MARCHF3: variants seen among roughly 807,000 people sequenced by gnomAD.
MARCHF3 encodes membrane associated ring-CH-type finger 3, also known as E3 ubiquitin-protein ligase MARCHF3.
Under a neutral mutation model 24.2 loss-of-function variants are expected in MARCHF3, and 13 were observed. The ratio of observed to expected loss-of-function variants is 0.54; its 90% confidence interval spans 0.35 to 0.85. The LOEUF (loss-of-function observed/expected upper bound fraction) is 0.85. Among genes scored for constraint, MARCHF3 ranks in the 40% least tolerant of loss-of-function variants. The pLI is 0.01. For missense variants in MARCHF3, 276 were observed against 325.0 expected (o/e 0.85, Z 1.16); for synonymous variants, 144 against 137.3 (o/e 1.05, Z -0.34).
chr5:126,871,042 G>A (rs534045802), intron 4 of MARCHF3, among the ~76,000 whole-genome samples: 3 of 152,258 alleles, frequency 2.0e-5, no homozygotes, highest in East Asian at 1.9e-4. Context: ...TCCTCATACC[G>A]GGTAAATTCA....
At chr5:126,895,461 T>C (rs1191708291) in intron 3 of MARCHF3, among the ~76,000 whole-genome samples, 1 of 152,136 alleles carries the variant, frequency 6.6e-6, no homozygotes, top group African/African-American at 2.4e-5. Flanking sequence ...TTTTGGTCTT[T>C]GATGATGGTG....
At chr5:127,023,121 G>T (rs1480120148) in intron 1 of MARCHF3, among the ~76,000 whole-genome samples, 2 of 152,164 alleles carry the variant, frequency 1.3e-5, no homozygotes, top group Non-Finnish European at 2.9e-5. Context: ...TATGTAGAGG[G>T]TGCTTTCTAA....
intron 3 of MARCHF3, among the ~76,000 whole-genome samples, chr5:126,897,802 G>C (rs1743505615): frequency 1.3e-5 from 2 of 152,052 alleles, no homozygotes; most frequent in Non-Finnish European, 2.9e-5. Flanking sequence ...GTAGTAGCAG[G>C]AGGAGTATAT....
At chr5:126,926,696 T>A (rs933217080) in intron 1 of MARCHF3, among the ~76,000 whole-genome samples, 3 of 151,862 alleles carry the variant, frequency 2.0e-5, no homozygotes, top group Non-Finnish European at 4.4e-5. Flanking sequence ...TGGTTTTGGG[T>A]CAGGGAGTCC....
chr5:126,872,786 C>T (rs1279427182), intron 4 of MARCHF3, among the ~76,000 whole-genome samples: 3 of 152,114 alleles, frequency 2.0e-5, no homozygotes, highest in Non-Finnish European at 2.9e-5. Context: ...TGAAAATATA[C>T]GCTTTTAAAC....
At chr5:126,965,021 T>TA (rs56350286) in intron 1 of MARCHF3, among the ~76,000 whole-genome samples, 3,805 of 101,466 alleles carry the variant, frequency 0.038, 87 homozygotes, top group East Asian at 0.089. Flanking sequence ...ATGTTCTTAG[T>TA]AAAAAAAAAA....
intron 3 of MARCHF3, among the ~76,000 whole-genome samples, chr5:126,895,739 T>G (rs1753862787): frequency 6.6e-6 from 1 of 152,154 alleles, no homozygotes. Flanking sequence ...GACATTTAAG[T>G]CTGCAGAGGT....
chr5:126,878,184 C>CTAG lies in MARCHF3; in HGVS notation c.601_603dup (p.Leu201dup). 5 of 1,614,108 alleles carry CTAG rather than the reference C, an allele frequency of 3.1e-6. No individual in the cohort carries two copies. Among genetic ancestry groups the CTAG allele is most frequent in the Non-Finnish European group, 4.2e-6 (5 of 1,179,932 alleles). ...GAACCCCAGCCACGGCCCATACTTA[C>CTAG]TAGTGTCCAAAAGAGGTAAATAGTG... On this transcript the variant is annotated inframe_insertion and splice_region_variant. Transcript: ENST00000308660.
Position 126,870,742 on chromosome 5 carries a change from T to G in MARCHF3, c.653A>C (p.Asn218Thr). Residue 218 changes from asparagine (N) to threonine (T), a missense_variant, in exon 5 of 5, where the codon AAT becomes ACT. By Grantham distance (65) the Asn-to-Thr change is moderately conservative. Transcript: ENST00000308660. ...TGGAATGAGGAGAATCACCCTCTGATTGGTCCGACGCCACTCGTTGTACAA... is the reference window on the plus strand; with the variant it reads ...TGGAATGAGGAGAATCACCCTCTGAGTGGTCCGACGCCACTCGTTGTACAA... Reference protein sequence around the residue: ...CRLYNEWRRTNQRVILLIPKS... With the variant: ...CRLYNEWRRTTQRVILLIPKS... The G allele has an allele frequency of 6.2e-7, 1 of 1,614,236 alleles. No individual in the cohort carries two copies. The highest frequency in any genetic ancestry group is 8.5e-7 in the Non-Finnish European group (1 of 1,180,048).
intron 3 of MARCHF3, among the ~76,000 whole-genome samples, chr5:126,886,501 G>A (rs933132417): frequency 1.3e-5 from 2 of 152,166 alleles, no homozygotes; most frequent in East Asian, 3.8e-4. Context: ...TCAAAAATGG[G>A]AGTCTACCTC....
rs550705854 is a variant in MARCHF3, at chr5:126,915,205, T to A, written c.189-71A>T. ...TCCACCAAGTGGATGGCCCTCTAGC[T>A]CTTGTCCTTTGGGCCCTCCCCAGAG... On this transcript the variant is annotated intron_variant, in intron 2 of 4. Transcript: ENST00000308660. The A allele has an allele frequency of 2.9e-5, 43 of 1,494,022 alleles. No homozygotes were observed. In the South Asian group the frequency reaches 4.6e-4, roughly 16 times the overall value. The allele number at this position is 1,494,022 out of a possible 1,614,324, so 92.5% of individuals were successfully genotyped here. A position where few individuals can be genotyped will look rare whatever the true frequency, so the allele number is the denominator to read the frequency against.
intron 1 of MARCHF3, among the ~76,000 whole-genome samples, chr5:126,958,858 A>G (rs1580682159): frequency 6.6e-6 from 1 of 152,342 alleles, no homozygotes; most frequent in Middle Eastern, 3.4e-3. Flanking sequence ...CAAGTGAATG[A>G]GCTACCACTA....
intron 1 of MARCHF3, among the ~76,000 whole-genome samples, chr5:126,943,968 G>A (rs531303723): frequency 5.3e-5 from 8 of 151,890 alleles, no homozygotes; most frequent in Non-Finnish European, 1.0e-4. Context: ...CCGCCATCAC[G>A]CCCAGCTAAT....
At chr5:126,916,371 T>C (rs1754732135) in intron 2 of MARCHF3, among the ~76,000 whole-genome samples, 1 of 152,196 alleles carries the variant, frequency 6.6e-6, no homozygotes, top group Non-Finnish European at 1.5e-5. Flanking sequence ...CCCAGGCACA[T>C]GCCCATTCAT....
intron 4 of MARCHF3, 150 bp from the exon 5 acceptor site, chr5:126,870,941 C>G: frequency 9.1e-7 from 1 of 1,096,532 alleles, no homozygotes; most frequent in Non-Finnish European, 1.3e-6. Context: ...GGCTCTGGCA[C>G]GCAGTGAGTG....
At chr5:126,958,283 A>T (rs1750515389) in intron 1 of MARCHF3, among the ~76,000 whole-genome samples, 1 of 152,106 alleles carries the variant, frequency 6.6e-6, no homozygotes, top group Non-Finnish European at 1.5e-5. Flanking sequence ...TTTACATTTT[A>T]ATAAGGTTAC....
intron 3 of MARCHF3, among the ~76,000 whole-genome samples, chr5:126,879,069 A>G (rs1753264751): frequency 6.6e-6 from 1 of 152,210 alleles, no homozygotes; most frequent in Non-Finnish European, 1.5e-5. Context: ...GACTGATCCC[A>G]GTCAAATCCT....
At chr5:127,026,402 T>A (rs996006950) in intron 1 of MARCHF3, among the ~76,000 whole-genome samples, 4 of 152,220 alleles carry the variant, frequency 2.6e-5, no homozygotes, top group Admixed American at 6.5e-5. Flanking sequence ...ATTCTATACG[T>A]AGGCTTTGCC....
At position 126,970,308 on chromosome 5, in the gene MARCHF3, G is replaced by C. The variant is rs527894833; in HGVS notation, c.-56-52081C>G. Reference sequence around the variant, plus strand: ...TCGCCATGTTAGCCAGGCTGGTCTCGAACTCCTGACCTCAGATGATACACC... The same window carrying C: ...TCGCCATGTTAGCCAGGCTGGTCTCCAACTCCTGACCTCAGATGATACACC... On this transcript the variant is annotated intron_variant, in intron 1 of 4. Transcript: ENST00000308660. Among the ~76,000 whole-genome samples, 5 of 151,952 alleles carry C rather than the reference G, an allele frequency of 3.3e-5. No homozygotes were observed. In the South Asian group the frequency reaches 8.3e-4, roughly 25 times the overall value.
Sources: gnomAD v4.1 joint callset for allele counts (sites outside exome capture counted in the v4.1 genomes callset) on GRCh38, gnomAD v4.1.1 for gene constraint, MANE v1.5 for transcripts, NCBI Gene and HGNC (gene_info 2026-07-23, HGNC 2026-07-21) for gene names.